The following GRIA1 variants were observed in gnomAD, a reference collection of about 807,000 sequenced individuals.
GRIA1 encodes the protein glutamate ionotropic receptor AMPA type subunit 1, also known as glutamate receptor 1.
In GRIA1, 31 loss-of-function variants were observed where a neutral mutation model predicts 99.2. That is an observed-to-expected ratio of 0.31 (90% CI 0.23 to 0.42). The LOEUF (loss-of-function observed/expected upper bound fraction) is 0.42, where lower values mean the gene tolerates loss of function less well. Among genes scored for constraint, GRIA1 ranks in the 10% least tolerant of loss-of-function variants. The pLI, the probability that GRIA1 is intolerant of heterozygous loss-of-function variation, is 1.00. For synonymous variants in GRIA1, 438 were observed against 432.4 expected (o/e 1.01, Z -0.16); for missense variants, 782 against 1,157.5 (o/e 0.68, Z 4.71).
intron 7 of GRIA1, among the ~76,000 whole-genome samples, chr5:153,684,696 G>C (rs1333608267): frequency 3.9e-5 from 6 of 152,182 alleles, no homozygotes; most frequent in Non-Finnish European, 8.8e-5. Flanking sequence ...AGATTACTGA[G>C]GTGATAAGAA....
At chr5:153,609,415 A>G (rs1053078994) in intron 2 of GRIA1, among the ~76,000 whole-genome samples, 6 of 139,140 alleles carry the variant, frequency 4.3e-5, no homozygotes, top group Admixed American at 2.3e-4. Context: ...GAAAAAAATG[A>G]TAGATATGTC....
intron 7 of GRIA1, among the ~76,000 whole-genome samples, chr5:153,684,896 TC>T (rs1757236765): frequency 6.6e-6 from 1 of 152,096 alleles, no homozygotes; most frequent in African/African-American, 2.4e-5. Flanking sequence ...TGTTGTGACC[TC>T]CTCACTGAGA....
At chr5:153,660,841 T>G (rs545797953) in intron 5 of GRIA1, among the ~76,000 whole-genome samples, 20 of 152,322 alleles carry the variant, frequency 1.3e-4, no homozygotes, top group Admixed American at 1.2e-3. Flanking sequence ...AGGTAAGAAC[T>G]ACAACTACAT....
At chr5:153,515,766 A>G (rs1756561738) in intron 2 of GRIA1, among the ~76,000 whole-genome samples, 1 of 152,230 alleles carries the variant, frequency 6.6e-6, no homozygotes, top group Non-Finnish European at 1.5e-5. Flanking sequence ...ATTTTTTAAA[A>G]AGGCTATTTT....
chr5:153,770,763 T>C (rs573107528), intron 13 of GRIA1, among the ~76,000 whole-genome samples: 1 of 152,340 alleles, frequency 6.6e-6, no homozygotes, highest in African/African-American at 2.4e-5. Context: ...AACAACGCTA[T>C]GAACAGAGTT....
intron 15 of GRIA1, among the ~76,000 whole-genome samples, chr5:153,810,531 TAAC>T (rs1766743932): frequency 6.6e-6 from 1 of 152,246 alleles, no homozygotes; most frequent in African/African-American, 2.4e-5. Flanking sequence ...CTTGCTATAA[TAAC>T]AGTGTGTAGG....
chr5:153,513,553 G>A (rs1442283136), intron 2 of GRIA1, among the ~76,000 whole-genome samples: 2 of 152,122 alleles, frequency 1.3e-5, no homozygotes, highest in Non-Finnish European at 2.9e-5. Context: ...GTGAAGTCCA[G>A]AGAAAAAAAT....
At chr5:153,680,426 T>C (rs1756895404) in intron 7 of GRIA1, among the ~76,000 whole-genome samples, 1 of 152,154 alleles carries the variant, frequency 6.6e-6, no homozygotes, top group Admixed American at 6.5e-5. Context: ...AGTCGGGTTC[T>C]TAACATAGGG....
At chr5:153,549,610 A>G (rs1313135756) in intron 2 of GRIA1, among the ~76,000 whole-genome samples, 4 of 152,174 alleles carry the variant, frequency 2.6e-5, no homozygotes, top group Non-Finnish European at 5.9e-5. Context: ...AAAGTGGGCA[A>G]AAATGGCCAA....
At chr5:153,723,672 G>C (rs1015429272) in intron 11 of GRIA1, among the ~76,000 whole-genome samples, 3 of 152,142 alleles carry the variant, frequency 2.0e-5, no homozygotes, top group Non-Finnish European at 2.9e-5. Flanking sequence ...AAACTGCAAG[G>C]CGGCAGCAAG....
chr5:153,787,909 T>C (rs1390214686), intron 13 of GRIA1, among the ~76,000 whole-genome samples: 1 of 151,752 alleles, frequency 6.6e-6, no homozygotes. Context: ...TGAAACCCCG[T>C]CTCTACTAAA....
At chr5:153,524,497 A>T (rs918432619) in intron 2 of GRIA1, among the ~76,000 whole-genome samples, 2 of 152,216 alleles carry the variant, frequency 1.3e-5, no homozygotes, top group African/African-American at 4.8e-5. Context: ...ATCTATAAGG[A>T]TGAATAAACT....
intron 2 of GRIA1, among the ~76,000 whole-genome samples, chr5:153,614,770 CAGAA>C (rs1245955141): frequency 6.6e-6 from 1 of 152,104 alleles, no homozygotes; most frequent in Admixed American, 6.5e-5. Context: ...CAGAATGCAG[CAGAA>C]AGAAAGAGAA....
chr5:153,587,935 A>G (rs369747283), intron 2 of GRIA1, among the ~76,000 whole-genome samples: 2 of 152,210 alleles, frequency 1.3e-5, no homozygotes, highest in Non-Finnish European at 2.9e-5. Flanking sequence ...GGAGTCTCTA[A>G]CAGGGCATTT....
chr5:153,542,253 A>G (rs1010552538), intron 2 of GRIA1, among the ~76,000 whole-genome samples: 1 of 152,168 alleles, frequency 6.6e-6, no homozygotes, highest in Non-Finnish European at 1.5e-5. Flanking sequence ...TATAACACCA[A>G]GAGATAGAAC....
intron 11 of GRIA1, chr5:153,755,392 G>A (rs1385717375): frequency 6.6e-6 from 1 of 152,328 alleles, no homozygotes; most frequent in African/African-American, 2.4e-5. Context: ...GCCAGGCACA[G>A]TGGCACACCC....
chr5:153,638,753 T>A (rs1327131656), intron 2 of GRIA1, among the ~76,000 whole-genome samples: 6 of 152,220 alleles, frequency 3.9e-5, no homozygotes, highest in Non-Finnish European at 8.8e-5. Context: ...CCTAAACTAA[T>A]AAAGCATGGG....
intron 2 of GRIA1, among the ~76,000 whole-genome samples, chr5:153,591,525 T>C (rs986923656): frequency 1.2e-4 from 18 of 152,164 alleles, no homozygotes; most frequent in African/African-American, 3.6e-4. Flanking sequence ...CAATAATTAT[T>C]TATCTTGTAT....
At chr5:153,616,239 G>T (rs1423786835) in intron 2 of GRIA1, among the ~76,000 whole-genome samples, 1 of 152,124 alleles carries the variant, frequency 6.6e-6, no homozygotes, top group African/African-American at 2.4e-5. Context: ...TTCCTGGAAG[G>T]CTTTTCAAAC....
Sources: allele counts gnomAD v4.1 joint callset (sites outside exome capture counted in the v4.1 genomes callset), GRCh38; gene constraint gnomAD v4.1.1; transcripts MANE v1.5; gene names NCBI Gene and HGNC (gene_info 2026-07-23, HGNC 2026-07-21).